The following DPYSL3 variants were observed in gnomAD, a reference collection of about 807,000 sequenced individuals.
The protein encoded by DPYSL3 is dihydropyrimidinase-related protein 3.
A neutral mutation model predicts 66.1 loss-of-function variants in DPYSL3; 16 were observed. The ratio of observed to expected loss-of-function variants is 0.24; its 90% CI spans 0.16 to 0.37. DPYSL3 has a LOEUF of 0.37. Among genes scored for constraint, DPYSL3 ranks in the 10% least tolerant of loss-of-function variants. The pLI is 1.00. For missense variants in DPYSL3, 738 were observed against 916.2 expected, an observed-to-expected ratio of 0.81 and a Z score of 2.51; for synonymous variants, 338 against 345.1, an observed-to-expected ratio of 0.98 and a Z score of 0.23.
At chr5:147,454,750 A>G (rs1430148797) in intron 1 of DPYSL3, among the ~76,000 whole-genome samples, 1 of 152,152 alleles carries the variant, frequency 6.6e-6, no homozygotes, top group East Asian at 1.9e-4. Flanking sequence ...ACGAAGGTTT[A>G]TATGTTATTA....
chr5:147,509,963 C>G lies in DPYSL3; in HGVS notation c.-105G>C. The G allele has an allele frequency of 7.0e-7, 1 of 1,425,112 alleles. No homozygotes were observed. Among genetic ancestry groups the G allele is most frequent in the Non-Finnish European group, 9.2e-7 (1 of 1,090,962 alleles). The allele number at this position is 1,425,112 out of a possible 1,614,324, so 88.3% of individuals were successfully genotyped here. A position where few individuals can be genotyped will look rare whatever the true frequency, so the allele number is the denominator to read the frequency against. ...ACAGTGACTGTGGCGGGAGGAGGCG[C>G]CTGAGCCTTCGCGCCAGAGGCGGCA... On this transcript the variant is annotated 5_prime_UTR_variant, in exon 1 of 14. Coordinates refer to ENST00000343218, the MANE Select transcript of DPYSL3 (RefSeq NM_001197294.2). The surrounding 1 kb of genome is among the most constrained non-coding windows in gnomAD (Gnocchi z 5.3).
intron 8 of DPYSL3, among the ~76,000 whole-genome samples, chr5:147,403,927 T>A (rs1420503216): frequency 6.6e-6 from 1 of 152,118 alleles, no homozygotes; most frequent in Non-Finnish European, 1.5e-5. Context: ...TTTTTGTCCA[T>A]GAAGTTTAAA....
At chr5:147,494,004 C>T (rs1396366690) in intron 1 of DPYSL3, among the ~76,000 whole-genome samples, 2 of 151,956 alleles carry the variant, frequency 1.3e-5, no homozygotes, top group Admixed American at 6.6e-5. Flanking sequence ...ACCAGCCTGG[C>T]CAACATGGTG....
intron 1 of DPYSL3, among the ~76,000 whole-genome samples, chr5:147,492,557 T>TAA (rs1339610849): frequency 1.3e-5 from 2 of 152,124 alleles, no homozygotes; most frequent in African/African-American, 4.8e-5. Flanking sequence ...ATTATCATTA[T>TAA]AAAGTACTTG....
At chr5:147,496,951 G>A (rs1250451418) in intron 1 of DPYSL3, among the ~76,000 whole-genome samples, 4 of 152,148 alleles carry the variant, frequency 2.6e-5, no homozygotes, top group African/African-American at 7.2e-5. Context: ...ACATGCACAC[G>A]TATGTTTATA....
chr5:147,397,760 T>C lies in DPYSL3; in HGVS notation c.1709A>G (p.Asp570Gly), dbSNP rs781599179. 1 of 1,614,138 alleles carries C rather than the reference T, an allele frequency of 6.2e-7. No individual in the cohort carries two copies. Among genetic ancestry groups the C allele is most frequent in the South Asian group, 1.1e-5 (1 of 91,078 alleles). Reference sequence around the variant, plus strand: ...CCCCTGGGTCACGTGCAGGTTGCCATCTTCCAGCATGATCTTGCCCTGGCA... The same window carrying C: ...CCCCTGGGTCACGTGCAGGTTGCCACCTTCCAGCATGATCTTGCCCTGGCA... ...VICQGKIMLEDGNLHVTQGAG... is the reference protein window; with the variant it reads ...VICQGKIMLEGGNLHVTQGAG... The change falls in exon 12 of 14, where the codon GAT becomes GGT. Residue 570 changes from aspartate to glycine, a missense_variant. Asp to Gly is a moderately conservative substitution (Grantham distance 94). Transcript: ENST00000343218.
At chr5:147,482,135 T>C (rs961161790) in intron 1 of DPYSL3, among the ~76,000 whole-genome samples, 10 of 152,182 alleles carry the variant, frequency 6.6e-5, no homozygotes, top group African/African-American at 2.2e-4. Context: ...ATTTTTGTTA[T>C]AACCAGCAAC....
intron 1 of DPYSL3, among the ~76,000 whole-genome samples, chr5:147,443,906 T>C (rs1581197588): frequency 1.3e-5 from 2 of 152,180 alleles, no homozygotes; most frequent in East Asian, 3.9e-4. Flanking sequence ...ACAAAGCCGC[T>C]CTTAACAGGA....
chr5:147,396,424 T>G (rs1262784171), intron 12 of DPYSL3, among the ~76,000 whole-genome samples: 1 of 152,154 alleles, frequency 6.6e-6, no homozygotes, highest in Admixed American at 6.5e-5. Context: ...GGACAAACAC[T>G]GCAAGACCAC....
intron 1 of DPYSL3, among the ~76,000 whole-genome samples, chr5:147,500,163 T>C (rs1271865591): frequency 6.6e-6 from 1 of 152,172 alleles, no homozygotes; most frequent in Non-Finnish European, 1.5e-5. Flanking sequence ...ATGAAATAAA[T>C]AATTGGTGAG....
At chr5:147,501,982 C>G (rs1330162390) in intron 1 of DPYSL3, among the ~76,000 whole-genome samples, 2 of 152,104 alleles carry the variant, frequency 1.3e-5, no homozygotes. Flanking sequence ...ATATCTTAGT[C>G]TGCTCAGGCT....
chr5:147,417,575 G>A (rs1309244980), intron 3 of DPYSL3, among the ~76,000 whole-genome samples: 1 of 152,144 alleles, frequency 6.6e-6, no homozygotes, highest in Non-Finnish European at 1.5e-5. Context: ...GATGTATATG[G>A]TGTTAAAATA....
Position 147,509,681 on chromosome 5 carries a change from G to C in DPYSL3, c.178C>G (p.Arg60Gly), listed in dbSNP as rs1753732201. 2 of 1,535,698 alleles carry C rather than the reference G, an allele frequency of 1.3e-6. No individual in the cohort carries two copies. The highest frequency in any genetic ancestry group is 1.4e-5 in the African/African-American group (1 of 73,036). ...LDFDALSVGQRGAKTPRSGQG... is the reference protein window; with the variant it reads ...LDFDALSVGQGGAKTPRSGQG... ...CCGCTCCGAGGAGTCTTCGCGCCCCGCTGCCCCACGCTGAGGGCATCGAAA... is the reference window on the plus strand; with the variant it reads ...CCGCTCCGAGGAGTCTTCGCGCCCCCCTGCCCCACGCTGAGGGCATCGAAA... Residue 60 changes from arginine to glycine, a missense_variant, in exon 1 of 14, where the codon CGG becomes GGG. Coordinates refer to ENST00000343218, the MANE Select transcript of DPYSL3 (RefSeq NM_001197294.2). The surrounding 1 kb of genome is among the most constrained non-coding windows in gnomAD (Gnocchi z 5.3).
chr5:147,451,774 G>C (rs145566582), intron 1 of DPYSL3, among the ~76,000 whole-genome samples: 1,544 of 152,258 alleles, frequency 0.01, 18 homozygotes, highest in African/African-American at 0.035. Context: ...TCCTGAGTTG[G>C]GGAGATAAGT....
At chr5:147,502,525 A>G (rs1044698608) in intron 1 of DPYSL3, among the ~76,000 whole-genome samples, 1 of 150,902 alleles carries the variant, frequency 6.6e-6, no homozygotes, top group Non-Finnish European at 1.5e-5. Context: ...AATTTTTCCA[A>G]CATTTGTTTT....
chr5:147,422,730 C>T (rs1561782148), intron 2 of DPYSL3, among the ~76,000 whole-genome samples: 1 of 152,040 alleles, frequency 6.6e-6, no homozygotes, highest in African/African-American at 2.4e-5. Context: ...TGGAAACCAT[C>T]ATTCTTAGTA....
chr5:147,453,723 G>GCCTCCGCCCC (rs1486875877), intron 1 of DPYSL3: 213 of 1,316,174 alleles, frequency 1.6e-4, no homozygotes, highest in Middle Eastern at 2.8e-4. Flanking sequence ...GCCTCCGCCC[G>GCCTCCGCCCC]CCTCCGCCCC....
In DPYSL3 at chr5:147,509,740, T is replaced by C; in HGVS notation, c.119A>G (p.Asn40Ser). The change falls in exon 1 of 14, where the codon AAC becomes AGC. Residue 40 changes from asparagine to serine, a missense_variant. Coordinates refer to ENST00000343218, the MANE Select transcript of DPYSL3 (RefSeq NM_001197294.2). The surrounding 1 kb of genome is among the most constrained non-coding windows in gnomAD (Gnocchi z 5.3). Reference sequence around the variant, plus strand: ...CTTGCTCTCGAAGGCGCCCTCCACGTTGCAGAACATGCCGCCGTATTTCTG... The same window carrying C: ...CTTGCTCTCGAAGGCGCCCTCCACGCTGCAGAACATGCCGCCGTATTTCTG... The part of the protein sequence containing the change: ...PRQKYGGMFC[N>S]VEGAFESKTL... 6.5e-7 allele frequency: 1 copy of C among 1,535,980 alleles called. No individual in the cohort carries two copies.
intron 1 of DPYSL3, among the ~76,000 whole-genome samples, chr5:147,461,270 G>T (rs973212060): frequency 6.6e-6 from 1 of 152,208 alleles, no homozygotes; most frequent in Non-Finnish European, 1.5e-5. Context: ...GGGGAGGCCA[G>T]TTTCTCATGC....
Sources: gnomAD v4.1 joint callset for allele counts (sites outside exome capture counted in the v4.1 genomes callset) on GRCh38, gnomAD v4.1.1 for gene constraint, Gnocchi (gnomAD v3.1) non-coding constraint, MANE v1.5 for transcripts, NCBI Gene and HGNC (gene_info 2026-07-23, HGNC 2026-07-21) for gene names.